NIBAN1: variants seen among roughly 807,000 people sequenced by gnomAD.
NIBAN1 encodes niban apoptosis regulator 1, also known as protein Niban 1.
NIBAN1 carries 81 observed loss-of-function variants against 75.1 expected under a neutral mutation model. The observed-to-expected ratio is 1.08, with a 90% CI of 0.90 to 1.30. NIBAN1 has a LOEUF of 1.30. Among genes scored for constraint, NIBAN1 ranks in the 50% most tolerant of loss-of-function variants. The pLI is 0.00. For synonymous variants in NIBAN1, 436 were observed against 424.8 expected (o/e 1.03, Z -0.32); for missense variants, 1,133 against 1,128.1 (o/e 1.00, Z -0.06).
At chr1:184,825,160 C>A (rs554545041) in intron 6 of NIBAN1, among the ~76,000 whole-genome samples, 2 of 152,138 alleles carry the variant, frequency 1.3e-5, no homozygotes, top group African/African-American at 4.8e-5. Flanking sequence ...GATGATTCTG[C>A]CATTTTCATT....
At chr1:184,875,722 C>T (rs1472389960) in intron 5 of NIBAN1, among the ~76,000 whole-genome samples, 3 of 152,158 alleles carry the variant, frequency 2.0e-5, no homozygotes, top group Non-Finnish European at 4.4e-5. Context: ...TTAAAATCAT[C>T]ACAATGAGCT....
intron 5 of NIBAN1, among the ~76,000 whole-genome samples, chr1:184,881,863 C>A (rs975565101): frequency 9.9e-5 from 15 of 152,088 alleles, no homozygotes; most frequent in African/African-American, 3.4e-4. Flanking sequence ...TTTACTGCAA[C>A]CTGTTTTATT....
At chr1:184,956,998 C>T (rs1301582097) in intron 1 of NIBAN1, among the ~76,000 whole-genome samples, 2 of 152,228 alleles carry the variant, frequency 1.3e-5, no homozygotes, top group African/African-American at 4.8e-5. Context: ...TTAACATTGC[C>T]ACCAGCTTCC....
intron 1 of NIBAN1, among the ~76,000 whole-genome samples, chr1:184,920,297 G>C (rs1418965585): frequency 6.6e-6 from 1 of 152,202 alleles, no homozygotes; most frequent in East Asian, 1.9e-4. Flanking sequence ...ATGGGATACA[G>C]AGTGTGATAT....
chr1:184,917,135 C>G lies in NIBAN1; in HGVS notation c.56-17826G>C, dbSNP rs1376641819. 2.0e-5 allele frequency among the ~76,000 whole-genome samples: 3 copies of G among 152,122 alleles called. No individual in the cohort carries two copies. The East Asian group carries it at 5.8e-4, about 29-fold the overall frequency. On this transcript the variant is annotated intron_variant, in intron 1 of 13. Transcript: ENST00000367511. ...CTTGGCTCCGCTGCAGACAAATGAGCCCCAGCCTGGGCTGGACTCATTGCT... is the reference window on the plus strand; with the variant it reads ...CTTGGCTCCGCTGCAGACAAATGAGGCCCAGCCTGGGCTGGACTCATTGCT...
intron 5 of NIBAN1, among the ~76,000 whole-genome samples, chr1:184,880,339 C>T (rs1226088346): frequency 6.6e-6 from 1 of 152,234 alleles, no homozygotes; most frequent in East Asian, 1.9e-4. Flanking sequence ...CATCCACTGC[C>T]TACACTGCAG....
At chr1:184,913,137 G>GTATATATATATATATATGCGA (rs56098797) in intron 1 of NIBAN1, among the ~76,000 whole-genome samples, 1 of 109,750 alleles carries the variant, frequency 9.1e-6, no homozygotes, top group Non-Finnish European at 1.9e-5. Flanking sequence ...TATCATGCAG[G>GTATATATATATATATATGCGA]TATATATATA....
At chr1:184,964,998 C>T (rs1477819093) in intron 1 of NIBAN1, among the ~76,000 whole-genome samples, 1 of 152,128 alleles carries the variant, frequency 6.6e-6, no homozygotes, top group Non-Finnish European at 1.5e-5. Flanking sequence ...CTGTTATGTG[C>T]CTCCAGATGA....
intron 4 of NIBAN1, among the ~76,000 whole-genome samples, chr1:184,886,765 T>C (rs1246686763): frequency 3.3e-5 from 5 of 152,168 alleles, no homozygotes; most frequent in Non-Finnish European, 7.3e-5. Flanking sequence ...AAGAGGCCAT[T>C]GAAAGCACTG....
At chr1:184,884,895 G>A in intron 4 of NIBAN1, 95 bp from the exon 5 acceptor site, 1 of 1,411,998 alleles carries the variant, frequency 7.1e-7, no homozygotes. Context: ...TCTGGGGCAG[G>A]CCATGGGATG....
intron 5 of NIBAN1, among the ~76,000 whole-genome samples, chr1:184,881,333 G>C (rs868628676): frequency 1.2e-4 from 18 of 152,048 alleles, no homozygotes; most frequent in African/African-American, 4.1e-4. Context: ...AGGACAAGGG[G>C]GTTCTAGATT....
intron 1 of NIBAN1, among the ~76,000 whole-genome samples, chr1:184,965,751 C>T (rs1276188152): frequency 6.6e-6 from 1 of 152,172 alleles, no homozygotes. Flanking sequence ...CCCCACGGCG[C>T]TTCGTTTCCC....
intron 11 of NIBAN1, 102 bp downstream of exon 11, chr1:184,805,844 A>G (rs1344102725): frequency 1.2e-6 from 1 of 868,156 alleles, no homozygotes; most frequent in Non-Finnish European, 1.8e-6. Context: ...GGAGTGGGGA[A>G]AGATTAGAGC....
At chr1:184,840,956 A>AGTAT (rs1655270169) in intron 5 of NIBAN1, among the ~76,000 whole-genome samples, 2 of 147,976 alleles carry the variant, frequency 1.4e-5, no homozygotes, top group African/African-American at 5.0e-5. Flanking sequence ...AAAGAGTGTG[A>AGTAT]GTGTGTGTGT....
At chr1:184,866,184 A>G (rs1655951810) in intron 5 of NIBAN1, among the ~76,000 whole-genome samples, 1 of 152,194 alleles carries the variant, frequency 6.6e-6, no homozygotes, top group South Asian at 2.1e-4. Context: ...TAAATAGTCA[A>G]TGATGACATG....
chr1:184,831,891 C>T lies in NIBAN1; in HGVS notation c.673G>A (p.Gly225Ser). Residue 225 changes from glycine (G) to serine (S), a missense_variant, in exon 6 of 14, where the codon GGT becomes AGT. Physicochemically the swap from Gly to Ser is moderately conservative, Grantham distance 56. Coordinates refer to ENST00000367511, the MANE Select transcript of NIBAN1 (RefSeq NM_052966.4). ...ATCATTTCCCAGGAACCATAGTGAC[C>T]CTTCTCCTGTCGGAAGAATTGCACA... is the stretch of plus-strand genomic sequence containing the variant. ...EAVQFFRQEKGHYGSWEMITG... is the reference protein window; with the variant it reads ...EAVQFFRQEKSHYGSWEMITG... The T allele has an allele frequency of 6.2e-7, 1 of 1,614,130 alleles. No homozygotes were observed. The highest frequency in any genetic ancestry group is 1.1e-5 in the South Asian group (1 of 91,080).
intron 1 of NIBAN1, among the ~76,000 whole-genome samples, chr1:184,972,553 A>G (rs1411247191): frequency 6.6e-6 from 1 of 152,144 alleles, no homozygotes; most frequent in Non-Finnish European, 1.5e-5. Flanking sequence ...CTCTCCCACT[A>G]CACATACCTT....
At position 184,796,015 on chromosome 1, in the gene NIBAN1, T is replaced by C; in HGVS notation, c.1749A>G (p.Leu583=). The C allele has an allele frequency of 1.2e-6, 2 of 1,611,964 alleles. No individual in the cohort carries two copies. The highest frequency in any genetic ancestry group is 1.7e-6 in the Non-Finnish European group (2 of 1,179,804). ...MALPSESVSS[L]TDLKPPTGSN... is the part of the protein sequence containing the mutation. ...ACCCTGTGGGGGGCTTTAGATCTGT[T>C]AAGCTGGACACACTTTCACTGGGCA... Residue 583 remains leucine, a synonymous_variant, in exon 14 of 14, where the codon TTA becomes TTG. Coordinates refer to ENST00000367511, the MANE Select transcript of NIBAN1 (RefSeq NM_052966.4).
chr1:184,863,615 C>G (rs922083884), intron 5 of NIBAN1, among the ~76,000 whole-genome samples: 1 of 152,198 alleles, frequency 6.6e-6, no homozygotes, highest in Non-Finnish European at 1.5e-5. Flanking sequence ...TATGTCTGAT[C>G]CTTCCTCTAC....
Sources: gnomAD v4.1 joint callset for allele counts (sites outside exome capture counted in the v4.1 genomes callset) on GRCh38, gnomAD v4.1.1 for gene constraint, MANE v1.5 for transcripts, NCBI Gene and HGNC (gene_info 2026-07-23, HGNC 2026-07-21) for gene names.